TMEM181: variants seen among roughly 807,000 people sequenced by gnomAD.
TMEM181 encodes the protein transmembrane protein 181.
TMEM181 carries 39 observed loss-of-function variants against 71.9 expected under a neutral mutation model. The observed-to-expected ratio is 0.54, with a 90% CI of 0.42 to 0.71. The LOEUF is 0.71. TMEM181 is among the 30% of genes least tolerant of loss of function. The pLI, the probability that TMEM181 is intolerant of heterozygous loss-of-function variation, is 0.00. For synonymous variants in TMEM181, 245 were observed against 228.8 expected (o/e 1.07, Z -0.64); for missense variants, 595 against 583.0 (o/e 1.02, Z -0.21).
chr6:158,628,489 TTA>T lies in TMEM181; in HGVS notation c.1192+3_1192+4del. ...CAGAGCTGTCAACTCACTACCAGAATTATATCCTTTTCACTGGAGGGCCCTGG... is the reference window on the plus strand; with the variant it reads ...CAGAGCTGTCAACTCACTACCAGAATTATCCTTTTCACTGGAGGGCCCTGG... On this transcript the variant is annotated splice_donor_variant and coding_sequence_variant, in exon 14 of 17. Transcript: ENST00000684151. LOFTEE classifies it high-confidence loss of function. 6.2e-7 allele frequency: 1 copy of T among 1,613,946 alleles called. No homozygotes were observed. The highest frequency in any genetic ancestry group is 8.5e-7 in the Non-Finnish European group (1 of 1,179,868).
Position 158,589,759 on chromosome 6 carries a change from C to G in TMEM181, c.469C>G (p.Pro157Ala), listed in dbSNP as rs762995448. ...VIVGFEHLKL[P>A]IKGMNFTWKT... ...AGTGGGATTTGAACACCTGAAGCTC[C>G]CCATCAAGGGAATGAACTTCACAGT... Residue 157 changes from proline to alanine, a missense_variant, in exon 6 of 17, where the codon CCC becomes GCC. Pro to Ala is a conservative substitution (Grantham distance 27). Coordinates refer to ENST00000684151, the MANE Select transcript of TMEM181 (RefSeq NM_001376852.1). 2 of 1,613,908 alleles carry G rather than the reference C, an allele frequency of 1.2e-6. No individual in the cohort carries two copies. Among genetic ancestry groups the G allele is most frequent in the East Asian group, 4.5e-5 (2 of 44,884 alleles).
At chr6:158,612,283 C>T (rs539935836) in intron 10 of TMEM181, among the ~76,000 whole-genome samples, 99 of 152,282 alleles carry the variant, frequency 6.5e-4, no homozygotes, top group Non-Finnish European at 1.2e-3. Flanking sequence ...TCCAAGATGA[C>T]GGTGCTCCTG....
chr6:158,623,054 T>G (rs1162173270), intron 10 of TMEM181, among the ~76,000 whole-genome samples: 1 of 152,194 alleles, frequency 6.6e-6, no homozygotes, highest in Non-Finnish European at 1.5e-5. Flanking sequence ...GAGCCCAGCA[T>G]GCCTAGTTTC....
intron 1 of TMEM181, among the ~76,000 whole-genome samples, chr6:158,553,217 C>G (rs1781771352): frequency 6.6e-6 from 1 of 151,652 alleles, no homozygotes; most frequent in South Asian, 2.1e-4. Context: ...GGAAATGAAC[C>G]AGACATTTAA....
At chr6:158,630,715 A>T (rs1305860223) in intron 15 of TMEM181, among the ~76,000 whole-genome samples, 16 of 63,948 alleles carry the variant, frequency 2.5e-4, no homozygotes, top group African/African-American at 4.2e-4. Context: ...TGTTACCATT[A>T]AAAAAAAAAA....
chr6:158,625,578 G>A (rs1274126355), intron 12 of TMEM181, 125 bp from the exon 13 acceptor site: 17 of 866,960 alleles, frequency 2.0e-5, no homozygotes, highest in Non-Finnish European at 3.0e-5. Context: ...TGGCGACTCC[G>A]GCTAAGTCTG....
At chr6:158,580,538 A>T (rs1783414570) in intron 2 of TMEM181, among the ~76,000 whole-genome samples, 1 of 152,220 alleles carries the variant, frequency 6.6e-6, no homozygotes, top group Admixed American at 6.5e-5. Context: ...GATTAATTGG[A>T]TGAGCAGATA....
intron 14 of TMEM181, 126 bp downstream of exon 14, chr6:158,628,616 T>A: frequency 1.3e-6 from 1 of 767,488 alleles, no homozygotes; most frequent in Non-Finnish European, 2.1e-6. Flanking sequence ...TCCGGAGGCC[T>A]CGTCTCTGCT....
chr6:158,629,964 A>G (rs2128332779), intron 15 of TMEM181, 145 bp downstream of exon 15: 1 of 720,606 alleles, frequency 1.4e-6, no homozygotes, highest in Non-Finnish European at 2.4e-6. Flanking sequence ...GTGAGTTGAA[A>G]TGTCGAGCTC....
intron 16 of TMEM181, 46 bp from the exon 17 acceptor site, chr6:158,631,764 A>T: frequency 6.5e-7 from 1 of 1,543,860 alleles, no homozygotes. Flanking sequence ...AGGAAAATAA[A>T]GAGCTGTCAG....
At chr6:158,595,861 G>A (rs1428755129) in intron 6 of TMEM181, among the ~76,000 whole-genome samples, 1 of 152,146 alleles carries the variant, frequency 6.6e-6, no homozygotes, top group Non-Finnish European at 1.5e-5. Flanking sequence ...GTTTATGCAG[G>A]TGTGTTCAAT....
intron 14 of TMEM181, among the ~76,000 whole-genome samples, chr6:158,629,206 T>G (rs1786523246): frequency 1.3e-5 from 2 of 152,226 alleles, no homozygotes; most frequent in Non-Finnish European, 2.9e-5. Flanking sequence ...GGATTTCTTA[T>G]GTCCCAGTTA....
chr6:158,556,558 T>C (rs1365026082), upstream of TMEM181, among the ~76,000 whole-genome samples: 3 of 152,220 alleles, frequency 2.0e-5, no homozygotes, highest in Non-Finnish European at 4.4e-5. Flanking sequence ...TAATTATTCT[T>C]GGCTACAAGG....
At chr6:158,605,142 G>A in intron 6 of TMEM181, 125 bp from the exon 7 acceptor site, 1 of 557,234 alleles carries the variant, frequency 1.8e-6, no homozygotes, top group Non-Finnish European at 3.2e-6. Context: ...GTGTGTGTGT[G>A]TGTGTGTGTG....
chr6:158,595,794 G>A (rs1044685150), intron 6 of TMEM181, among the ~76,000 whole-genome samples: 1 of 152,206 alleles, frequency 6.6e-6, no homozygotes, highest in Non-Finnish European at 1.5e-5. Flanking sequence ...CTGGAAGGGA[G>A]CATCAAGCGG....
chr6:158,565,835 C>G (rs1782461204), intron 1 of TMEM181, among the ~76,000 whole-genome samples: 1 of 152,046 alleles, frequency 6.6e-6, no homozygotes, highest in Non-Finnish European at 1.5e-5. Flanking sequence ...TTGCTTTCCC[C>G]CACAGAGCCT....
chr6:158,580,835 A>G, intron 2 of TMEM181, 105 bp from the exon 3 acceptor site: 1 of 981,560 alleles, frequency 1.0e-6, no homozygotes, highest in Non-Finnish European at 1.5e-6. Context: ...AGGTGAATTA[A>G]GGTCATCTCC....
Position 158,608,470 on chromosome 6 carries a change from CG to C in TMEM181, c.804+9del. 1.2e-6 allele frequency: 2 copies of C among 1,614,154 alleles called. No individual in the cohort carries two copies. The highest frequency in any genetic ancestry group is 1.7e-6 in the Non-Finnish European group (2 of 1,180,034). ...CCACGGGATTCGTGTCCAGGTGAGC[CG>C]GAGCCGCCCTCACTGCCGGGGGAGG... On this transcript the variant is annotated splice_region_variant and intron_variant, in intron 9 of 16. Transcript: ENST00000684151.
chr6:158,550,582 G>A (rs1461973415), intron 1 of TMEM181, among the ~76,000 whole-genome samples: 2 of 151,804 alleles, frequency 1.3e-5, no homozygotes, highest in Non-Finnish European at 2.9e-5. Flanking sequence ...CTTGAACTTG[G>A]GAGGTGGAGG....
Sources: gnomAD v4.1 joint callset for allele counts (sites outside exome capture counted in the v4.1 genomes callset) on GRCh38, gnomAD v4.1.1 for gene constraint, MANE v1.5 for transcripts, NCBI Gene and HGNC (gene_info 2026-07-23, HGNC 2026-07-21) for gene names.